PCDHGA9: variants seen among roughly 807,000 people sequenced by gnomAD.
PCDHGA9 encodes the protein protocadherin gamma-A9.
A neutral mutation model predicts 62.5 loss-of-function variants in PCDHGA9; 37 were observed. That is an observed-to-expected ratio of 0.59 (90% CI 0.46 to 0.78). The LOEUF is 0.78. Ranked by LOEUF, PCDHGA9 falls within the 30% of genes least tolerant of loss-of-function variation. PCDHGA9 has a pLI of 0.00. For missense variants in PCDHGA9, 1,138 were observed against 1,166.2 expected, an observed-to-expected ratio of 0.98 and a Z score of 0.35; for synonymous variants, 459 against 484.6, an observed-to-expected ratio of 0.95 and a Z score of 0.69.
At position 141,422,119 on chromosome 5, in the gene PCDHGA9, C is replaced by T. The variant is rs778866054; in HGVS notation, c.2424+16743C>T. 26 of 1,603,658 alleles carry T rather than the reference C, an allele frequency of 1.6e-5. No homozygotes were observed. In the Admixed American group the frequency reaches 4.2e-4, roughly 26 times the overall value. ...TTCTGAAATATTCCAATTGGATTCA[C>T]AAACTGGAGAAGTTCAAGTACGGGG... On this transcript the variant is annotated intron_variant, in intron 1 of 3. Transcript: ENST00000573521.
intron 1 of PCDHGA9, chr5:141,421,202 C>G (rs1345590720): frequency 6.6e-7 from 1 of 1,519,226 alleles, no homozygotes; most frequent in Non-Finnish European, 8.8e-7. Flanking sequence ...CTCGAGAAAC[C>G]GCGGAATATC....
chr5:141,450,838 T>A (rs2098698352), intron 1 of PCDHGA9, among the ~76,000 whole-genome samples: 1 of 149,278 alleles, frequency 6.7e-6, no homozygotes, highest in African/African-American at 2.5e-5. Flanking sequence ...TATTTTTTTT[T>A]TTTTGAGATG....
chr5:141,432,178 T>C lies in PCDHGA9; in HGVS notation c.2424+26802T>C. Reference sequence around the variant, plus strand: ...ATCCCAGAGGAGTTTCCCTCGTCTCTGTGACCGCCCACGACCCCGACTGTG... The same window carrying C: ...ATCCCAGAGGAGTTTCCCTCGTCTCCGTGACCGCCCACGACCCCGACTGTG... On this transcript the variant is annotated intron_variant, in intron 1 of 3. Transcript: ENST00000573521. The surrounding 1 kb of genome is among the most constrained non-coding windows in gnomAD (Gnocchi z 6.0). 6.2e-7 allele frequency: 1 copy of C among 1,614,184 alleles called. No individual in the cohort carries two copies. The highest frequency in any genetic ancestry group is 8.5e-7 in the Non-Finnish European group (1 of 1,180,036).
chr5:141,422,541 T>C (rs1389095817), intron 1 of PCDHGA9: 1 of 1,613,992 alleles, frequency 6.2e-7, no homozygotes. Context: ...CAGAAACTCA[T>C]GTCTGGCTGA....
intron 2 of PCDHGA9, among the ~76,000 whole-genome samples, chr5:141,495,685 T>TA (rs758775501): frequency 1.3e-5 from 2 of 152,210 alleles, no homozygotes; most frequent in African/African-American, 2.4e-5. Context: ...TGCCATGGCA[T>TA]AAGTGCTCAA....
Position 141,449,720 on chromosome 5 carries a change from T to C in PCDHGA9, c.2424+44344T>C, listed in dbSNP as rs373093679. 2.4e-4 allele frequency among the ~76,000 whole-genome samples: 36 copies of C among 151,876 alleles called. No individual in the cohort carries two copies. In the East Asian group the frequency reaches 3.1e-3, roughly 13 times the overall value. ...ACACAAACACATTATTTTTATATGA[T>C]ATGATTTTTTTATGACATGATTATT... On this transcript the variant is annotated intron_variant, in intron 1 of 3. Coordinates refer to ENST00000573521, the MANE Select transcript of PCDHGA9 (RefSeq NM_018921.3).
Position 141,491,364 on chromosome 5 carries a change from C to T in PCDHGA9, c.2425-3443C>T. 1 of 1,614,164 alleles carries T rather than the reference C, an allele frequency of 6.2e-7. No homozygotes were observed. The highest frequency in any genetic ancestry group is 8.5e-7 in the Non-Finnish European group (1 of 1,180,000). On this transcript the variant is annotated intron_variant, in intron 1 of 3. Coordinates refer to ENST00000573521, the MANE Select transcript of PCDHGA9 (RefSeq NM_018921.3). This position sits in a 1 kb window ranked among gnomAD's most constrained non-coding sequence, Gnocchi z 6.9. The stretch of plus-strand genomic sequence containing the variant: ...CCGTCAGTCTCTTATCCCTAGTCAC[C>T]TTCACCTTTCTGTCAGCGAAGTGCC...
chr5:141,468,505 C>A (rs1293623271), intron 1 of PCDHGA9: 1 of 152,020 alleles, frequency 6.6e-6, no homozygotes, highest in East Asian at 1.9e-4. Context: ...TTCATGTGGA[C>A]AAATTTAGTA....
chr5:141,444,406 G>A (rs1296878411), intron 1 of PCDHGA9, among the ~76,000 whole-genome samples: 1 of 151,874 alleles, frequency 6.6e-6, no homozygotes, highest in Non-Finnish European at 1.5e-5. Context: ...CCCAACCTCA[G>A]GTGATCTTCC....
chr5:141,494,586 G>A (rs770159202), intron 1 of PCDHGA9, among the ~76,000 whole-genome samples: 1 of 152,112 alleles, frequency 6.6e-6, no homozygotes, highest in Non-Finnish European at 1.5e-5. Context: ...GCTCACTGTG[G>A]TCAGATGAAA....
At chr5:141,483,361 A>G (rs752805137) in intron 1 of PCDHGA9, among the ~76,000 whole-genome samples, 1 of 152,102 alleles carries the variant, frequency 6.6e-6, no homozygotes, top group South Asian at 2.1e-4. Context: ...TTTGAAAGCT[A>G]TTGCAATATT....
chr5:141,479,188 A>G (rs2099489531), intron 1 of PCDHGA9: 1 of 152,606 alleles, frequency 6.6e-6, no homozygotes. Context: ...TAGAAAATTC[A>G]GAAAATACAG....
intron 1 of PCDHGA9, 57 bp downstream of exon 1, chr5:141,405,433 T>G (rs539486666): frequency 2.0e-6 from 3 of 1,471,752 alleles, no homozygotes; most frequent in Admixed American, 3.9e-5. Flanking sequence ...TTTTGTTTTG[T>G]TTTTGAGACA....
chr5:141,412,987 A>C lies in PCDHGA9; in HGVS notation c.2424+7611A>C, dbSNP rs192699644. Reference sequence around the variant, plus strand: ...AGGAGAGAAAACGCAGCCAGAGCTCAATCCGGATTCTCAGGGCTTCAACTA... The same window carrying C: ...AGGAGAGAAAACGCAGCCAGAGCTCCATCCGGATTCTCAGGGCTTCAACTA... On this transcript the variant is annotated intron_variant, in intron 1 of 3. Transcript: ENST00000573521. The C allele has an allele frequency of 5.3e-6, 3 of 564,534 alleles. No homozygotes were observed. In the African/African-American group the frequency reaches 5.7e-5, roughly 11 times the overall value. The allele number at this position is 564,534 out of a possible 1,614,324, so 35.0% of individuals were successfully genotyped here.
chr5:141,457,441 G>A (rs941085406), intron 1 of PCDHGA9, among the ~76,000 whole-genome samples: 1 of 152,134 alleles, frequency 6.6e-6, no homozygotes, highest in African/African-American at 2.4e-5. Flanking sequence ...CCAAGCTGCA[G>A]AAGATCACCA....
At position 141,493,356 on chromosome 5, in the gene PCDHGA9, C is replaced by A. The variant is rs1303319550; in HGVS notation, c.2425-1451C>A. Among the ~76,000 whole-genome samples, 1 of 152,182 alleles carries A rather than the reference C, an allele frequency of 6.6e-6. No individual in the cohort carries two copies. The highest frequency in any genetic ancestry group is 2.4e-5 in the African/African-American group (1 of 41,438). On this transcript the variant is annotated intron_variant, in intron 1 of 3. Transcript: ENST00000573521. This position sits in a 1 kb window ranked among gnomAD's most constrained non-coding sequence, Gnocchi z 4.3. ...ACTCCAGAATGTGTGCTTTTAATTT[C>A]TTGGCACTTGGAACTTTAAAAGCTT...
At chr5:141,502,666 T>C (rs962424461) in intron 2 of PCDHGA9, among the ~76,000 whole-genome samples, 10 of 152,234 alleles carry the variant, frequency 6.6e-5, no homozygotes, top group African/African-American at 2.2e-4. Context: ...CTTCATGCAA[T>C]TTTAGTATTC....
chr5:141,421,498 A>T (rs1303740754), intron 1 of PCDHGA9: 2 of 1,613,952 alleles, frequency 1.2e-6, no homozygotes, highest in African/African-American at 1.3e-5. Context: ...GGCAGGCAGG[A>T]TAGACCGGGA....
intron 1 of PCDHGA9, chr5:141,414,681 G>A: frequency 6.2e-7 from 1 of 1,613,954 alleles, no homozygotes; most frequent in African/African-American, 1.3e-5. Context: ...CCATCCAGGG[G>A]GTACCTCTGT....
Sources: allele counts gnomAD v4.1 joint callset (sites outside exome capture counted in the v4.1 genomes callset), GRCh38; gene constraint gnomAD v4.1.1; non-coding constraint Gnocchi (gnomAD v3.1); transcripts MANE v1.5; gene names NCBI Gene and HGNC (gene_info 2026-07-23, HGNC 2026-07-21).